GNAL: variants seen among roughly 807,000 people sequenced by gnomAD.
The protein encoded by GNAL is guanine nucleotide-binding protein G(olf) subunit alpha.
In GNAL, 18 loss-of-function variants were observed where a neutral mutation model predicts 55.1. The ratio of observed to expected loss-of-function variants is 0.33; its 90% CI spans 0.23 to 0.48. The LOEUF (loss-of-function observed/expected upper bound fraction) is 0.48, where lower values mean the gene tolerates loss of function less well. Among genes scored for constraint, GNAL ranks in the 20% least tolerant of loss-of-function variants. GNAL has a pLI of 0.99. For synonymous variants in GNAL, 253 were observed against 237.0 expected (o/e 1.07, Z -0.62); for missense variants, 412 against 614.1 (o/e 0.67, Z 3.48).
chr18:11,733,202 G>GCA (rs2032380362), intron 1 of GNAL, among the ~76,000 whole-genome samples: 1 of 152,240 alleles, frequency 6.6e-6, no homozygotes, highest in African/African-American at 2.4e-5. Flanking sequence ...GCTGCGCCCG[G>GCA]GCGCGGGGAG....
intron 1 of GNAL, among the ~76,000 whole-genome samples, chr18:11,732,914 C>T (rs1481321476): frequency 6.6e-6 from 1 of 152,170 alleles, no homozygotes; most frequent in Non-Finnish European, 1.5e-5. Flanking sequence ...AAGGCGGGAA[C>T]ACAGGAGTGG....
At position 11,697,616 on chromosome 18, in the gene GNAL, A is replaced by G. The variant is rs117883026; in HGVS notation, c.376+7677A>G. On this transcript the variant is annotated intron_variant, in intron 1 of 11. Transcript: ENST00000334049. ...GCGACCTCATTCAGATGCGGTGACAATGACAGGAAGGGGCAGACGTGTCTG... is the reference window on the plus strand; with the variant it reads ...GCGACCTCATTCAGATGCGGTGACAGTGACAGGAAGGGGCAGACGTGTCTG... Among the ~76,000 whole-genome samples, 142 of 152,116 alleles carry G rather than the reference A, an allele frequency of 9.3e-4. 1 individual carries two copies. The East Asian group carries it at 0.022, about 23-fold the overall frequency.
intron 1 of GNAL, among the ~76,000 whole-genome samples, chr18:11,697,383 C>T (rs1015105121): frequency 6.6e-6 from 1 of 152,080 alleles, no homozygotes; most frequent in African/African-American, 2.4e-5. Context: ...ACTAAAAATA[C>T]AAAAATTAGC....
chr18:11,710,970 G>T (rs2031824339), intron 1 of GNAL, among the ~76,000 whole-genome samples: 1 of 152,030 alleles, frequency 6.6e-6, no homozygotes, highest in African/African-American at 2.4e-5. Context: ...CCACCTCCCG[G>T]GTTCACACCA....
At chr18:11,701,362 G>A (rs187685690) in intron 1 of GNAL, among the ~76,000 whole-genome samples, 8 of 152,064 alleles carry the variant, frequency 5.3e-5, no homozygotes, top group Non-Finnish European at 1.0e-4. Context: ...AGGCCGAGGC[G>A]GGTGGATTGC....
At position 11,752,143 on chromosome 18, in the gene GNAL, C is replaced by T. The variant is rs558403889; in HGVS notation, c.377-710C>T. The T allele has an allele frequency of 4.0e-6, 1 of 249,060 alleles. No homozygotes were observed. 15.4% of individuals were successfully genotyped at this position (249,060 alleles called of 1,614,324 possible). On this transcript the variant is annotated intron_variant, in intron 1 of 11. Transcript: ENST00000334049. The surrounding 1 kb of genome is among the most constrained non-coding windows in gnomAD (Gnocchi z 4.5). The stretch of plus-strand genomic sequence containing the variant: ...CAGCGGAGACCGGCGCCCTCGCCCC[C>T]CGTCTCCGTTCATTGTGCTGTATTC...
At chr18:11,859,052 A>G (rs2036071020) in intron 5 of GNAL, among the ~76,000 whole-genome samples, 1 of 152,172 alleles carries the variant, frequency 6.6e-6, no homozygotes, top group African/African-American at 2.4e-5. Context: ...TATCATCTGA[A>G]TACATTCACC....
Position 11,885,594 on chromosome 18 carries a change from A to T in GNAL, c.*4459A>T. 6.6e-7 allele frequency: 1 copy of T among 1,505,436 alleles called. No homozygotes were observed. Among genetic ancestry groups the T allele is most frequent in the Non-Finnish European group, 9.1e-7 (1 of 1,103,452 alleles). The allele number at this position is 1,505,436 out of a possible 1,614,324, so 93.3% of individuals were successfully genotyped here. On this transcript the variant is annotated 3_prime_UTR_variant, in exon 12 of 12. Transcript: ENST00000334049. The stretch of plus-strand genomic sequence containing the variant: ...GTGTGGCTTTTGTAAATTTTGACCG[A>T]TTGCAGCAATTAAATAGTTGATTAC...
At chr18:11,702,248 C>T (rs1015521169) in intron 1 of GNAL, 1 of 152,234 alleles carries the variant, frequency 6.6e-6, no homozygotes, top group African/African-American at 2.4e-5. Context: ...TCTGTAGATA[C>T]AAAGCTCGCT....
rs1377151058 is a variant in GNAL at position 11,760,088 on chromosome 18, C to T, written c.624+6143C>T. ...TGTTCGCTCCCTGAGGACCAGGCCT[C>T]TTTCTCCACCGCCTCCTCTCCCCGC... On this transcript the variant is annotated intron_variant, in intron 4 of 11. Transcript: ENST00000334049. 2.6e-5 allele frequency among the ~76,000 whole-genome samples: 4 copies of T among 152,092 alleles called. 1 individual carries two copies. In the South Asian group the frequency reaches 6.2e-4, roughly 24 times the overall value.
At chr18:11,831,060 G>A (rs893536450) in intron 5 of GNAL, among the ~76,000 whole-genome samples, 2 of 152,152 alleles carry the variant, frequency 1.3e-5, no homozygotes, top group East Asian at 1.9e-4. Context: ...GGATAGTGGT[G>A]ATAGTTGCAC....
At chr18:11,870,860 T>A (rs928559337) in intron 9 of GNAL, among the ~76,000 whole-genome samples, 3 of 152,178 alleles carry the variant, frequency 2.0e-5, no homozygotes, top group Non-Finnish European at 4.4e-5. Flanking sequence ...TCAACAACCA[T>A]CCTCAAATTT....
At chr18:11,818,700 G>A (rs976633476) in intron 4 of GNAL, among the ~76,000 whole-genome samples, 1 of 152,224 alleles carries the variant, frequency 6.6e-6, no homozygotes, top group African/African-American at 2.4e-5. Flanking sequence ...TTTCACACGT[G>A]CCGGGACGCA....
At chr18:11,781,993 G>T (rs1234051503) in intron 4 of GNAL, among the ~76,000 whole-genome samples, 10 of 152,208 alleles carry the variant, frequency 6.6e-5, no homozygotes, top group Admixed American at 2.6e-4. Context: ...TACATAATAT[G>T]TGGAATATCC....
chr18:11,805,527 A>G (rs1268609239), intron 4 of GNAL, among the ~76,000 whole-genome samples: 1 of 151,792 alleles, frequency 6.6e-6, no homozygotes, highest in African/African-American at 2.4e-5. Context: ...CACCCTTTTG[A>G]GTCTCCTGTG....
intron 1 of GNAL, among the ~76,000 whole-genome samples, chr18:11,724,945 C>G (rs2032179992): frequency 6.6e-6 from 1 of 152,236 alleles, no homozygotes; most frequent in Admixed American, 6.5e-5. Flanking sequence ...AGGCTCCAAA[C>G]AGCATCTCCA....
At chr18:11,703,604 A>G (rs2031630115) in intron 1 of GNAL, among the ~76,000 whole-genome samples, 1 of 152,320 alleles carries the variant, frequency 6.6e-6, no homozygotes, top group East Asian at 1.9e-4. Context: ...CGCTGCGTGG[A>G]ACTAAAAAGC....
At position 11,878,995 on chromosome 18, in the gene GNAL, C is replaced by T. The variant is rs564289737; in HGVS notation, c.1231-1994C>T. 4.2e-3 allele frequency among the ~76,000 whole-genome samples: 632 copies of T among 151,724 alleles called. 2 individuals carry two copies. Among genetic ancestry groups the T allele is most frequent in the African/African-American group, 7.2e-3 (297 of 41,316 alleles). On this transcript the variant is annotated intron_variant, in intron 11 of 11. Coordinates refer to ENST00000334049, the MANE Select transcript of GNAL (RefSeq NM_182978.4). ...TGGGGAGGGATAGCATTAGGAGATA[C>T]ACCTAATGTAAATGACGAGTTAATG...
chr18:11,876,262 A>G (rs1022563426), intron 10 of GNAL, among the ~76,000 whole-genome samples: 1 of 152,242 alleles, frequency 6.6e-6, no homozygotes, highest in Non-Finnish European at 1.5e-5. Flanking sequence ...CCCTGAAGTC[A>G]GGAGTCTGAG....
Sources: gnomAD v4.1 joint callset for allele counts (sites outside exome capture counted in the v4.1 genomes callset) on GRCh38, gnomAD v4.1.1 for gene constraint, Gnocchi (gnomAD v3.1) non-coding constraint, MANE v1.5 for transcripts, NCBI Gene and HGNC (gene_info 2026-07-23, HGNC 2026-07-21) for gene names.